The following EHBP1 variants were observed in gnomAD, a reference collection of about 807,000 sequenced individuals.
EHBP1 encodes the protein EH domain-binding protein 1.
EHBP1 carries 55 observed loss-of-function variants against 144.0 expected under a neutral mutation model. That is an observed-to-expected ratio of 0.38 (90% CI 0.31 to 0.48). The LOEUF (loss-of-function observed/expected upper bound fraction) is 0.48. Ranked by LOEUF, EHBP1 falls within the 20% of genes least tolerant of loss-of-function variation. The pLI is 0.98. For missense variants in EHBP1, 1,200 were observed against 1,364.2 expected (o/e 0.88, Z 1.90); for synonymous variants, 469 against 472.7 (o/e 0.99, Z 0.10).
intron 5 of EHBP1, among the ~76,000 whole-genome samples, chr2:62,820,076 T>G (rs2045789948): frequency 6.6e-6 from 1 of 151,960 alleles, no homozygotes; most frequent in South Asian, 2.1e-4. Context: ...CCAGGCATGG[T>G]GGCAGGTGCC....
chr2:62,706,986 C>A lies in EHBP1; in HGVS notation c.-206C>A, dbSNP rs1466126473. 1.9e-6 allele frequency: 1 copy of A among 535,334 alleles called. No individual in the cohort carries two copies. Among genetic ancestry groups the A allele is most frequent in the African/African-American group, 1.9e-5 (1 of 52,360 alleles). The allele number at this position is 535,334 out of a possible 1,614,324, so 33.2% of individuals were successfully genotyped here. A position where few individuals can be genotyped will look rare whatever the true frequency, so the allele number is the denominator to read the frequency against. ...TTCCCACTCATCCTGTCACGTATATCATAGTGTTCTTGACTGGGCCATTCA... is the reference window on the plus strand; with the variant it reads ...TTCCCACTCATCCTGTCACGTATATAATAGTGTTCTTGACTGGGCCATTCA... On this transcript the variant is annotated 5_prime_UTR_variant, in exon 2 of 23. Coordinates refer to ENST00000431489, the MANE Select transcript of EHBP1 (RefSeq NM_001142616.3).
At chr2:62,968,045 G>A (rs1179890640) in intron 14 of EHBP1, among the ~76,000 whole-genome samples, 1 of 151,998 alleles carries the variant, frequency 6.6e-6, no homozygotes, top group African/African-American at 2.4e-5. Flanking sequence ...TGATCGTAAT[G>A]GATACAGTGT....
At chr2:62,827,730 C>T (rs1438581125) in intron 6 of EHBP1, among the ~76,000 whole-genome samples, 2 of 151,722 alleles carry the variant, frequency 1.3e-5, no homozygotes, top group African/African-American at 4.8e-5. Context: ...TGCAGTGGCA[C>T]GATCTCGGCT....
intron 3 of EHBP1, among the ~76,000 whole-genome samples, chr2:62,758,680 T>A (rs958123887): frequency 6.6e-6 from 1 of 152,216 alleles, no homozygotes; most frequent in African/African-American, 2.4e-5. Context: ...ACAGAGAGGT[T>A]GGAGAATTCC....
intron 5 of EHBP1, among the ~76,000 whole-genome samples, chr2:62,798,971 G>A (rs576867247): frequency 2.3e-5 from 3 of 128,504 alleles, no homozygotes; most frequent in Admixed American, 1.9e-4. Flanking sequence ...GCCACTGCAC[G>A]CCAGCCTGGG....
chr2:62,747,107 CT>C (rs935547372), intron 2 of EHBP1, among the ~76,000 whole-genome samples: 47 of 151,838 alleles, frequency 3.1e-4, no homozygotes, highest in African/African-American at 1.0e-3. Context: ...TATGTGTGTG[CT>C]TTTTTTCTTT....
chr2:63,025,770 G>T (rs896720556), intron 19 of EHBP1, among the ~76,000 whole-genome samples: 8 of 152,146 alleles, frequency 5.3e-5, no homozygotes, highest in Admixed American at 1.3e-4. Flanking sequence ...AAGTTGAGAA[G>T]AAATATGAAA....
chr2:62,981,315 T>G (rs2058960354), intron 15 of EHBP1, among the ~76,000 whole-genome samples: 1 of 152,170 alleles, frequency 6.6e-6, no homozygotes, highest in Admixed American at 6.5e-5. Context: ...AATAAATCTT[T>G]GCCTCCTTAT....
At chr2:62,797,797 G>A (rs1036783185) in intron 5 of EHBP1, among the ~76,000 whole-genome samples, 1 of 152,176 alleles carries the variant, frequency 6.6e-6, no homozygotes. Flanking sequence ...TAAACTTACA[G>A]CATGTTTAAA....
chr2:62,881,418 GAAAAAAAAA>G lies in EHBP1; in HGVS notation c.1185+6899_1185+6907del, dbSNP rs371288881. ...TAATACAAGTTGGAAAGGAAAAACG[GAAAAAAAAA>G]AAAAAAAAAAAAGAAGGAAAGGAAA... On this transcript the variant is annotated intron_variant, in intron 10 of 22. Transcript: ENST00000431489. Among the ~76,000 whole-genome samples, 72 of 69,794 alleles carry G rather than the reference GAAAAAAAAA, an allele frequency of 1.0e-3. 1 individual carries two copies. Among genetic ancestry groups the G allele is most frequent in the African/African-American group, 3.9e-3 (71 of 18,270 alleles). 45.8% of individuals were successfully genotyped at this position (69,794 alleles called of 152,430 possible). A position where few individuals can be genotyped will look rare whatever the true frequency, so the allele number is the denominator to read the frequency against.
chr2:62,793,604 G>T (rs994551716), intron 5 of EHBP1, among the ~76,000 whole-genome samples: 1 of 151,962 alleles, frequency 6.6e-6, no homozygotes, highest in South Asian at 2.1e-4. Context: ...AAAGTTGAAG[G>T]GAACCACCTG....
chr2:62,737,288 T>G (rs910202161), intron 2 of EHBP1, among the ~76,000 whole-genome samples: 2 of 152,196 alleles, frequency 1.3e-5, no homozygotes, highest in African/African-American at 4.8e-5. Flanking sequence ...GAGGGGATTT[T>G]TCTCTGTTGT....
At chr2:62,878,846 C>G (rs1239780280) in intron 10 of EHBP1, among the ~76,000 whole-genome samples, 1 of 151,626 alleles carries the variant, frequency 6.6e-6, no homozygotes, top group Non-Finnish European at 1.5e-5. Context: ...GAAATTTCAC[C>G]GTCTCTACTA....
intron 6 of EHBP1, 149 bp from the exon 7 acceptor site, chr2:62,830,870 T>A: frequency 1.4e-6 from 1 of 708,614 alleles, no homozygotes; most frequent in Admixed American, 3.6e-5. Context: ...AATATGAGTA[T>A]TTAGATTTTT....
At chr2:62,716,334 T>G (rs2035678140) in intron 2 of EHBP1, among the ~76,000 whole-genome samples, 1 of 152,186 alleles carries the variant, frequency 6.6e-6, no homozygotes, top group African/African-American at 2.4e-5. Flanking sequence ...CCTGCTAATC[T>G]TAGGACCTAT....
intron 5 of EHBP1, chr2:62,772,252 G>A (rs779161634): frequency 5.3e-5 from 8 of 151,016 alleles, no homozygotes; most frequent in Non-Finnish European, 8.9e-5. Flanking sequence ...GAAGGGCGGG[G>A]CTTTAACTGT....
At position 62,730,869 on chromosome 2, in the gene EHBP1, G is replaced by GACA. The variant is rs1558567203; in HGVS notation, c.105-16526_105-16525insACA. Among the ~76,000 whole-genome samples the GACA allele has an allele frequency of 2.9e-5, 4 of 138,112 alleles. 2 individuals are homozygous for GACA. Among genetic ancestry groups the GACA allele is most frequent in the Non-Finnish European group, 3.2e-5 (2 of 62,586 alleles). 90.6% of individuals were successfully genotyped at this position (138,112 alleles called of 152,430 possible). A position where few individuals can be genotyped will look rare whatever the true frequency, so the allele number is the denominator to read the frequency against. On this transcript the variant is annotated intron_variant, in intron 2 of 22. Coordinates refer to ENST00000431489, the MANE Select transcript of EHBP1 (RefSeq NM_001142616.3). ...AGAGAGAGAGACAGACAGGCAGACA[G>GACA]GCAGGCAGAGAAAGAGTAAGACAGA...
chr2:63,006,923 T>G (rs2060062575), intron 19 of EHBP1, among the ~76,000 whole-genome samples: 1 of 151,914 alleles, frequency 6.6e-6, no homozygotes, highest in African/African-American at 2.4e-5. Context: ...CATCCTAGTT[T>G]GACTAAAGAT....
Position 62,948,423 on chromosome 2 carries a change from G to A in EHBP1, c.1577G>A (p.Ser526Asn). 1.2e-6 allele frequency: 2 copies of A among 1,613,820 alleles called. No individual in the cohort carries two copies. The change falls in exon 13 of 23, where the codon AGC (serine) becomes AAC (asparagine). Residue 526 changes from serine (S) to asparagine (N), a missense_variant. By Grantham distance (46) the Ser-to-Asn change is conservative (BLOSUM62 1). Transcript: ENST00000431489. The stretch of plus-strand genomic sequence containing the variant: ...AATGTCGTTCAGATAGAGGAAAACA[G>A]CAGTAAAAGCACATATAAAGTTGGA... ...ELNVVQIEEN[S>N]SKSTYKVGNY...
Sources: allele counts gnomAD v4.1 joint callset (sites outside exome capture counted in the v4.1 genomes callset), GRCh38; gene constraint gnomAD v4.1.1; transcripts MANE v1.5; gene names NCBI Gene and HGNC (gene_info 2026-07-23, HGNC 2026-07-21).